Variants in DEFB110 observed in about 807,000 individuals in gnomAD.
The protein encoded by DEFB110 is beta-defensin 110.
DEFB110 carries 4 observed loss-of-function variants against 2.5 expected under a neutral mutation model. The ratio of observed to expected loss-of-function variants is 1.60; its 90% CI spans 0.79 to 3.66. The LOEUF is 3.66. Among genes scored for constraint, DEFB110 ranks in the 30% most tolerant of loss-of-function variants. The pLI is 0.01. For synonymous variants in DEFB110, 29 were observed against 21.8 expected (o/e 1.33, Z -0.92); for missense variants, 94 against 75.4 (o/e 1.25, Z -0.91).
downstream of DEFB110, among the ~76,000 whole-genome samples, chr6:50,018,128 G>A (rs575733700): frequency 1.3e-5 from 2 of 151,916 alleles, no homozygotes; most frequent in African/African-American, 4.8e-5. Flanking sequence ...TCACTGACAT[G>A]TTCTAGTGAG....
chr6:50,013,190 C>A (rs145502973), intron 1 of DEFB110, among the ~76,000 whole-genome samples: 80 of 151,792 alleles, frequency 5.3e-4, no homozygotes, highest in African/African-American at 1.9e-3. Context: ...AGTAGGAGAG[C>A]AAGTAGCAAA....
At chr6:50,009,925 A>G (rs1471616178) in intron 1 of DEFB110, among the ~76,000 whole-genome samples, 1 of 152,078 alleles carries the variant, frequency 6.6e-6, no homozygotes, top group Non-Finnish European at 1.5e-5. Context: ...GAGATTCCAA[A>G]ATCACAGTTT....
exon 2 of DEFB110, chr6:50,009,145 C>T: frequency 1.2e-6 from 2 of 1,609,372 alleles, no homozygotes; most frequent in Non-Finnish European, 1.7e-6. Flanking sequence ...AGTTTATACG[C>T]AGCACTGACT....
Position 50,019,057 on chromosome 6 carries a change from A to C in DEFB110, c.124T>G (p.Cys42Gly). Residue 42 changes from cysteine to glycine, a missense_variant, in exon 2 of 2, where the codon TGT becomes GGT. Coordinates refer to ENST00000371148, the MANE Select transcript of DEFB110 (RefSeq NM_001037497.2). ...TCATTTTCATGACACTGATTTTTAC[A>C]TTGACCATTACCTATTCTGCACTCT... is the stretch of plus-strand genomic sequence containing the variant. ...RRECRIGNGQ[C>G]KNQCHENEIR... 6.2e-7 allele frequency: 1 copy of C among 1,613,240 alleles called. No individual in the cohort carries two copies. Among genetic ancestry groups the C allele is most frequent in the South Asian group, 1.1e-5 (1 of 91,050 alleles).
At chr6:50,009,172 T>C (rs759919856) in exon 2 of DEFB110, 2 of 1,610,930 alleles carry the variant, frequency 1.2e-6, no homozygotes, top group South Asian at 1.1e-5. Flanking sequence ...TTTAATGCAG[T>C]ATCCATAATC....
At chr6:50,016,849 G>T (rs1774328774), downstream of DEFB110, among the ~76,000 whole-genome samples, 1 of 151,744 alleles carries the variant, frequency 6.6e-6, no homozygotes, top group African/African-American at 2.4e-5. Context: ...ACAAGTAAAG[G>T]CCACCTTAGA....
chr6:50,021,191 A>C (rs1278023128), intron 1 of DEFB110, among the ~76,000 whole-genome samples: 1 of 152,088 alleles, frequency 6.6e-6, no homozygotes, highest in East Asian at 1.9e-4. Context: ...GTCTCACTCT[A>C]AGCAATATTG....
At chr6:50,019,927 A>G (rs1774390690) in intron 1 of DEFB110, among the ~76,000 whole-genome samples, 1 of 152,072 alleles carries the variant, frequency 6.6e-6, no homozygotes, top group Non-Finnish European at 1.5e-5. Context: ...TTGCTAACAC[A>G]TTGTCTATAA....
chr6:50,020,526 G>C (rs1774401131), intron 1 of DEFB110, among the ~76,000 whole-genome samples: 1 of 151,876 alleles, frequency 6.6e-6, no homozygotes, highest in African/African-American at 2.4e-5. Context: ...TTATGCCACT[G>C]TTTCCTGCTA....
chr6:50,021,765 A>G (rs1268859831), intron 1 of DEFB110, 116 bp downstream of exon 1: 1 of 966,564 alleles, frequency 1.0e-6, no homozygotes, highest in African/African-American at 1.8e-5. Context: ...ATACCACATT[A>G]CATTTTTGTG....
At chr6:50,012,062 C>G (rs1774237066) in intron 1 of DEFB110, among the ~76,000 whole-genome samples, 1 of 151,942 alleles carries the variant, frequency 6.6e-6, no homozygotes, top group South Asian at 2.1e-4. Context: ...GCAGGTTGCT[C>G]TTATAGTGCT....
chr6:50,016,226 G>A (rs972818771), downstream of DEFB110, among the ~76,000 whole-genome samples: 1 of 151,770 alleles, frequency 6.6e-6, no homozygotes, highest in South Asian at 2.1e-4. Flanking sequence ...GAATTTGACG[G>A]TGATAAATCT....
Position 50,018,918 on chromosome 6 carries a change from A to G in DEFB110, c.*59T>C, listed in dbSNP as rs370105943. On this transcript the variant is annotated 3_prime_UTR_variant, in exon 2 of 2. Transcript: ENST00000371148. ...CACACGCCTTGAAGGATGTGCTGGG[A>G]AAACTTAATAACGCTGGTCTCTCTT... 149 of 1,547,870 alleles carry G rather than the reference A, an allele frequency of 9.6e-5. No individual in the cohort carries two copies. The East Asian group carries it at 2.7e-3, about 28-fold the overall frequency.
At chr6:50,019,212 TTA>T in intron 1 of DEFB110, 87 bp from the exon 2 acceptor site, 1 of 1,409,598 alleles carries the variant, frequency 7.1e-7, no homozygotes, top group Non-Finnish European at 9.6e-7. Flanking sequence ...AAGCAAAAGA[TTA>T]TAGAGTGAAA....
At chr6:50,020,923 A>G (rs1400992350) in intron 1 of DEFB110, among the ~76,000 whole-genome samples, 1 of 152,148 alleles carries the variant, frequency 6.6e-6, no homozygotes, top group Admixed American at 6.6e-5. Flanking sequence ...CACTTTTGGC[A>G]AAAGTTCTGT....
chr6:50,015,995 A>C (rs1774309495), downstream of DEFB110, among the ~76,000 whole-genome samples: 1 of 151,858 alleles, frequency 6.6e-6, no homozygotes, highest in Non-Finnish European at 1.5e-5. Context: ...TCCTTAAGCC[A>C]GGAGCTATAA....
downstream of DEFB110, among the ~76,000 whole-genome samples, chr6:50,017,433 G>C (rs182882554): frequency 1.0e-3 from 159 of 151,920 alleles, no homozygotes; most frequent in Non-Finnish European, 1.6e-3. Flanking sequence ...CTCCCGCAAA[G>C]AGGATATTTG....
chr6:50,021,479 A>G (rs1406629778), intron 1 of DEFB110, among the ~76,000 whole-genome samples: 1 of 152,226 alleles, frequency 6.6e-6, no homozygotes, highest in Admixed American at 6.5e-5. Context: ...TCTGATCATT[A>G]CTTTCAACAA....
rs184541324 is a variant in DEFB110 at position 50,010,454 on chromosome 6, C to T, written c.56-1183G>A. On this transcript the variant is annotated intron_variant, in intron 1 of 1. Transcript: ENST00000393660. ...GATCTCTAAAGCACTTACTTATTGC[C>T]CTTAATGAAGTTGGTAGAAAATAAT... Among the ~76,000 whole-genome samples, 6 of 151,170 alleles carry T rather than the reference C, an allele frequency of 4.0e-5. 1 individual carries two copies. In the Admixed American group the frequency reaches 4.0e-4, roughly 10 times the overall value.
Sources: gnomAD v4.1 joint callset for allele counts (sites outside exome capture counted in the v4.1 genomes callset) on GRCh38, gnomAD v4.1.1 for gene constraint, MANE v1.5 for transcripts, NCBI Gene and HGNC (gene_info 2026-07-23, HGNC 2026-07-21) for gene names.